Variants in LRIF1 observed in about 807,000 individuals in gnomAD.
LRIF1 encodes ligand-dependent nuclear receptor-interacting factor 1.
A neutral mutation model predicts 52.7 loss-of-function variants in LRIF1; 32 were observed. The ratio of observed to expected loss-of-function variants is 0.61; its 90% CI spans 0.46 to 0.82. LRIF1 has a LOEUF of 0.82. Ranked by LOEUF, LRIF1 falls within the 40% of genes least tolerant of loss-of-function variation. The pLI is 0.00. For synonymous variants in LRIF1, 323 were observed against 317.4 expected (o/e 1.02, Z -0.19); for missense variants, 887 against 892.0 (o/e 0.99, Z 0.07).
At chr1:110,961,085 T>C (rs572104273) in intron 1 of LRIF1, among the ~76,000 whole-genome samples, 1 of 152,358 alleles carries the variant, frequency 6.6e-6, no homozygotes, top group South Asian at 2.1e-4. Context: ...GTTCTCTGCA[T>C]AAGCATATCC....
rs752911981 is a variant in LRIF1 at position 110,952,340 on chromosome 1, C to A, written c.544G>T (p.Gly182Trp). ...TGGGCTGGAATCTGTAAATGATGCC[C>A]AGAAGGCAAAACTGGAGACTTCACA... ...VTVKSPVLPS[G>W]HHLQIPAHAE... is the part of the protein sequence containing the mutation. The change falls in exon 2 of 4, where the codon GGG becomes TGG. Residue 182 changes from glycine (G) to tryptophan (W), a missense_variant. Physicochemically the swap from Gly to Trp is radical, Grantham distance 184. Transcript: ENST00000369763. The A allele has an allele frequency of 1.5e-4, 242 of 1,613,880 alleles. No individual in the cohort carries two copies. Among genetic ancestry groups the A allele is most frequent in the Non-Finnish European group, 2.0e-4 (234 of 1,179,942 alleles).
chr1:110,954,504 C>T (rs1008717024), intron 1 of LRIF1, among the ~76,000 whole-genome samples: 2 of 152,166 alleles, frequency 1.3e-5, no homozygotes, highest in Admixed American at 6.5e-5. Context: ...TGGTCACACA[C>T]TGACTTTTAA....
At chr1:110,881,401 T>C in the LRIF1 span, among the ~76,000 whole-genome samples, 6 of 152,252 alleles carry the variant, frequency 3.9e-5, no homozygotes, top group African/African-American at 1.4e-4. Context: ...TGATTATTTT[T>C]ACATTCACCT....
intron 3 of LRIF1, among the ~76,000 whole-genome samples, chr1:110,948,926 T>G (rs563293371): frequency 8.5e-5 from 13 of 152,342 alleles, no homozygotes; most frequent in African/African-American, 2.9e-4. Context: ...GCTTATATCT[T>G]CTACTACATT....
At chr1:110,927,036 C>T in the LRIF1 span, among the ~76,000 whole-genome samples, 2 of 152,042 alleles carry the variant, frequency 1.3e-5, no homozygotes, top group Non-Finnish European at 2.9e-5. Context: ...AATGTTGGGA[C>T]AATGGTTAAC....
the LRIF1 span, among the ~76,000 whole-genome samples, chr1:110,925,491 C>T: frequency 6.6e-6 from 1 of 151,946 alleles, no homozygotes; most frequent in Non-Finnish European, 1.5e-5. Context: ...AGAACCCGGA[C>T]CAATACACAG....
the LRIF1 span, among the ~76,000 whole-genome samples, chr1:110,901,957 G>A: frequency 6.6e-6 from 1 of 152,126 alleles, no homozygotes; most frequent in Admixed American, 6.5e-5. Flanking sequence ...ACTCTAGCCT[G>A]TCCTTTACTC....
chr1:110,951,357 T>C lies in LRIF1; in HGVS notation c.1527A>G (p.Lys509=). 1 of 1,614,104 alleles carries C rather than the reference T, an allele frequency of 6.2e-7. No homozygotes were observed. The highest frequency in any genetic ancestry group is 8.5e-7 in the Non-Finnish European group (1 of 1,179,984). Residue 509 remains lysine (K), a synonymous_variant, in exon 2 of 4, where the codon AAA becomes AAG. Coordinates refer to ENST00000369763, the MANE Select transcript of LRIF1 (RefSeq NM_018372.4). ...RKGSVLQSIE[K]ISSSVDATTV... ...TTGTTGCATCAACAGAGGAACTTAT[T>C]TTCTCTATGCTCTGGAGGACACTTC...
chr1:110,916,793 C>T, the LRIF1 span, among the ~76,000 whole-genome samples: 4 of 152,000 alleles, frequency 2.6e-5, no homozygotes, highest in Non-Finnish European at 4.4e-5. Flanking sequence ...ATTAGATAGA[C>T]CTCAAGGCAA....
chr1:110,918,502 GA>G, the LRIF1 span, among the ~76,000 whole-genome samples: 2 of 151,904 alleles, frequency 1.3e-5, no homozygotes, highest in South Asian at 2.1e-4. Context: ...TAAAATGAAA[GA>G]AAAAAACTCA....
rs1014470574 is a variant in LRIF1, at chr1:110,963,914, G to C, written c.-226C>G. On this transcript the variant is annotated 5_prime_UTR_variant, in exon 1 of 4. Coordinates refer to ENST00000369763, the MANE Select transcript of LRIF1 (RefSeq NM_018372.4). Reference sequence around the variant, plus strand: ...CGCAGAAACCGGAAGGCTCCTGGCGGTGGACTGCGCCCTCACAGCCCTACG... The same window carrying C: ...CGCAGAAACCGGAAGGCTCCTGGCGCTGGACTGCGCCCTCACAGCCCTACG... The C allele has an allele frequency of 1.9e-5, 8 of 418,080 alleles. No individual in the cohort carries two copies. Among genetic ancestry groups the C allele is most frequent in the Admixed American group, 6.8e-5 (2 of 29,324 alleles). 25.9% of individuals were successfully genotyped at this position (418,080 alleles called of 1,614,324 possible).
intron 1 of LRIF1, among the ~76,000 whole-genome samples, chr1:110,961,898 A>G (rs1483466733): frequency 2.0e-5 from 3 of 152,178 alleles, no homozygotes; most frequent in Admixed American, 2.0e-4. Flanking sequence ...TCCCAAATAT[A>G]TGATGTAAAA....
chr1:110,892,241 G>T, the LRIF1 span: 1 of 859,866 alleles, frequency 1.2e-6, no homozygotes, highest in Non-Finnish European at 2.0e-6. Context: ...TCTTGATTGA[G>T]CCAGTTAAAA....
chr1:110,921,334 A>C, the LRIF1 span, among the ~76,000 whole-genome samples: 2 of 152,192 alleles, frequency 1.3e-5, no homozygotes. Context: ...AAAGGAAAAC[A>C]TATTCAGTCA....
At chr1:110,877,864 C>T in the LRIF1 span, among the ~76,000 whole-genome samples, 10 of 152,312 alleles carry the variant, frequency 6.6e-5, no homozygotes, top group East Asian at 1.9e-4. Context: ...TTCAAAAGGA[C>T]GTACAGCGAT....
chr1:110,881,910 T>A, the LRIF1 span, among the ~76,000 whole-genome samples: 1 of 152,232 alleles, frequency 6.6e-6, no homozygotes, highest in Non-Finnish European at 1.5e-5. Context: ...CCATATAGTA[T>A]CTTCTTTGGT....
rs779832911 is a variant in LRIF1 at position 110,948,152 on chromosome 1, C to T, written c.2117G>A (p.Gly706Asp). Residue 706 changes from glycine to aspartate, a missense_variant, in exon 4 of 4, where the codon GGC becomes GAC. Physicochemically the swap from Gly to Asp is moderately conservative, Grantham distance 94. Coordinates refer to ENST00000369763, the MANE Select transcript of LRIF1 (RefSeq NM_018372.4). ...ATAAGCTGCATTTGAATTCAAAGTG[C>T]CTTTCTCTTGCTTCTCATGGGTATA... ...EYYTHEKQEK[G>D]TLNSNAAYEQ... The T allele has an allele frequency of 1.9e-6, 3 of 1,613,940 alleles. No homozygotes were observed. The highest frequency in any genetic ancestry group is 1.1e-5 in the South Asian group (1 of 91,070).
the LRIF1 span, among the ~76,000 whole-genome samples, chr1:110,904,773 T>C: frequency 6.6e-6 from 1 of 152,056 alleles, no homozygotes. Flanking sequence ...CAGGAAAACA[T>C]GACCTCACCA....
chr1:110,904,684 C>A, the LRIF1 span, among the ~76,000 whole-genome samples: 1 of 152,072 alleles, frequency 6.6e-6, no homozygotes, highest in African/African-American at 2.4e-5. Flanking sequence ...CAAACAAGCC[C>A]AGACAGTGAA....
Sources: gnomAD v4.1 joint callset for allele counts (sites outside exome capture counted in the v4.1 genomes callset) on GRCh38, gnomAD v4.1.1 for gene constraint, MANE v1.5 for transcripts, NCBI Gene and HGNC (gene_info 2026-07-23, HGNC 2026-07-21) for gene names.